MERTK: variants seen among roughly 807,000 people sequenced by gnomAD.
MERTK encodes the protein MER proto-oncogene, tyrosine kinase, also known as tyrosine-protein kinase Mer.
MERTK carries 69 observed loss-of-function variants against 99.3 expected under a neutral mutation model. The observed-to-expected ratio is 0.70, with a 90% CI of 0.57 to 0.85. The LOEUF (loss-of-function observed/expected upper bound fraction) is 0.85. MERTK is among the 40% of genes least tolerant of loss of function. The probability of loss-of-function intolerance (pLI) is 0.00; values close to 1 mark genes in which losing one functional copy is unlikely to be tolerated. For synonymous variants in MERTK, 426 were observed against 467.6 expected, an observed-to-expected ratio of 0.91 and a Z score of 1.15; for missense variants, 1,125 against 1,249.4, an observed-to-expected ratio of 0.90 and a Z score of 1.50.
At chr2:111,926,893 G>T (rs1375851111) in intron 1 of MERTK, among the ~76,000 whole-genome samples, 1 of 152,234 alleles carries the variant, frequency 6.6e-6, no homozygotes, top group Non-Finnish European at 1.5e-5. Context: ...GTCCACCCTT[G>T]TGAAGGTTTG....
chr2:111,946,611 C>T (rs1198335604), intron 3 of MERTK, among the ~76,000 whole-genome samples: 1 of 152,176 alleles, frequency 6.6e-6, no homozygotes, highest in South Asian at 2.1e-4. Context: ...CAGCCTTATA[C>T]AAGGCTGTGG....
chr2:111,916,364 C>A (rs1433242308), intron 1 of MERTK, among the ~76,000 whole-genome samples: 1 of 152,172 alleles, frequency 6.6e-6, no homozygotes, highest in Admixed American at 6.5e-5. Context: ...GATTTTAGAT[C>A]TTTAATAGTA....
chr2:111,953,702 A>G (rs1382429559), intron 4 of MERTK, among the ~76,000 whole-genome samples: 2 of 152,152 alleles, frequency 1.3e-5, no homozygotes, highest in Non-Finnish European at 2.9e-5. Flanking sequence ...CAGCCTCCCA[A>G]GCAGCTGGGA....
At chr2:111,925,292 A>ATATATATATATTTTTTT (rs372747015) in intron 1 of MERTK, among the ~76,000 whole-genome samples, 1 of 24,488 alleles carries the variant, frequency 4.1e-5, no homozygotes, top group Non-Finnish European at 7.3e-5. Flanking sequence ...ATATATATAT[A>ATATATATATATTTTTTT]TTTTTTTTTT....
At chr2:112,007,009 A>G (rs891498379) in intron 13 of MERTK, among the ~76,000 whole-genome samples, 1 of 111,198 alleles carries the variant, frequency 9.0e-6, no homozygotes, top group Non-Finnish European at 2.0e-5. Flanking sequence ...AAGGCAAGCC[A>G]GACTTTTTAT....
intron 1 of MERTK, among the ~76,000 whole-genome samples, chr2:111,925,273 C>CAG (rs1330470657): frequency 3.1e-4 from 23 of 74,624 alleles, no homozygotes; most frequent in Admixed American, 7.0e-4. Flanking sequence ...TTGTACAGAT[C>CAG]AGATATATAT....
chr2:112,027,425 G>A (rs1239525496), intron 18 of MERTK, among the ~76,000 whole-genome samples: 1 of 151,892 alleles, frequency 6.6e-6, no homozygotes, highest in African/African-American at 2.4e-5. Context: ...ATGAAATGAT[G>A]GTATAACTCA....
chr2:112,024,687 G>C (rs35643003), intron 18 of MERTK, among the ~76,000 whole-genome samples: 34,943 of 152,148 alleles, frequency 0.23, 4,350 homozygotes, highest in Middle Eastern at 0.41. Context: ...CTAGCACTTT[G>C]GGAGGCCAAG....
intron 4 of MERTK, among the ~76,000 whole-genome samples, chr2:111,956,420 C>G (rs1685149682): frequency 6.6e-6 from 1 of 152,122 alleles, no homozygotes; most frequent in South Asian, 2.1e-4. Flanking sequence ...CAGTGGTGGG[C>G]TTGCGTTGAT....
chr2:111,927,761 A>G (rs1684594001), intron 1 of MERTK, among the ~76,000 whole-genome samples: 1 of 152,176 alleles, frequency 6.6e-6, no homozygotes, highest in Non-Finnish European at 1.5e-5. Flanking sequence ...ACTCTGAGCA[A>G]AGAACACCCT....
At chr2:111,989,099 A>G (rs1676554520) in intron 8 of MERTK, among the ~76,000 whole-genome samples, 1 of 151,922 alleles carries the variant, frequency 6.6e-6, no homozygotes, top group African/African-American at 2.4e-5. Context: ...GAACCCCCCT[A>G]CTCGTTCCCA....
Position 112,003,890 on chromosome 2 carries a change from C to G in MERTK, c.1787-14C>G, listed in dbSNP as rs1234139714. 6.2e-7 allele frequency: 1 copy of G among 1,605,802 alleles called. No individual in the cohort carries two copies. The highest frequency in any genetic ancestry group is 2.2e-5 in the East Asian group (1 of 44,820). On this transcript the variant is annotated splice_polypyrimidine_tract_variant and intron_variant, in intron 12 of 18. Coordinates refer to ENST00000295408, the MANE Select transcript of MERTK (RefSeq NM_006343.3). ...TTTGCACAGTGTCCATACAGGTGTT[C>G]TTTCACTTCACAGGAGAGTTTGGGT...
At chr2:112,013,033 T>C (rs1028258309) in intron 15 of MERTK, among the ~76,000 whole-genome samples, 2 of 152,152 alleles carry the variant, frequency 1.3e-5, no homozygotes, top group Admixed American at 1.3e-4. Flanking sequence ...GCTTTGCTTT[T>C]TTTCCCCCTT....
intron 11 of MERTK, 59 bp downstream of exon 11, chr2:112,001,345 G>C (rs1417667433): frequency 2.3e-6 from 3 of 1,309,346 alleles, no homozygotes; most frequent in South Asian, 2.4e-5. Flanking sequence ...AACAAAGAAG[G>C]ATCAATAGAC....
At chr2:112,025,935 T>C (rs1311542633) in intron 18 of MERTK, among the ~76,000 whole-genome samples, 1 of 152,240 alleles carries the variant, frequency 6.6e-6, no homozygotes, top group African/African-American at 2.4e-5. Context: ...TGAAAGTCTC[T>C]ACCCATTAAA....
chr2:111,976,522 C>CTGTGTGTGTGTGTGTGTGTG (rs70962971), intron 7 of MERTK, among the ~76,000 whole-genome samples: 1 of 136,710 alleles, frequency 7.3e-6, no homozygotes, highest in Non-Finnish European at 1.6e-5. Context: ...TGACAAAAAC[C>CTGTGTGTGTGTGTGTGTGTG]TGTGTGTGTG....
intron 1 of MERTK, among the ~76,000 whole-genome samples, chr2:111,901,390 A>G (rs1684040148): frequency 6.6e-6 from 1 of 152,134 alleles, no homozygotes; most frequent in Non-Finnish European, 1.5e-5. Context: ...TATATTGTAA[A>G]CATCTTCCCA....
chr2:111,937,286 A>G (rs572670363), intron 2 of MERTK, among the ~76,000 whole-genome samples: 1 of 139,296 alleles, frequency 7.2e-6, no homozygotes, highest in South Asian at 2.4e-4. Flanking sequence ...TGCTACAAAA[A>G]ATTAAAAAAA....
intron 9 of MERTK, among the ~76,000 whole-genome samples, chr2:111,995,901 C>T (rs1573628274): frequency 6.6e-6 from 1 of 152,256 alleles, no homozygotes; most frequent in Non-Finnish European, 1.5e-5. Flanking sequence ...GAGCCAAGAT[C>T]ACACCATTGT....
Sources: allele counts gnomAD v4.1 joint callset (sites outside exome capture counted in the v4.1 genomes callset), GRCh38; gene constraint gnomAD v4.1.1; transcripts MANE v1.5; gene names NCBI Gene and HGNC (gene_info 2026-07-23, HGNC 2026-07-21).